The following PCDHGA2 variants were observed in gnomAD, a reference collection of about 807,000 sequenced individuals.
The protein encoded by PCDHGA2 is protocadherin gamma subfamily A, 2, also known as protocadherin gamma-A2.
Under a neutral mutation model 59.2 loss-of-function variants are expected in PCDHGA2, and 40 were observed. That is an observed-to-expected ratio of 0.68 (90% confidence interval 0.52 to 0.88). PCDHGA2 has a LOEUF of 0.88. Among genes scored for constraint, PCDHGA2 ranks in the 40% least tolerant of loss-of-function variants. PCDHGA2 has a pLI of 0.00. For synonymous variants in PCDHGA2, 560 were observed against 526.0 expected (o/e 1.06, Z -0.89); for missense variants, 1,226 against 1,204.0 (o/e 1.02, Z -0.27).
chr5:141,365,782 C>T (rs369080489), intron 1 of PCDHGA2: 274 of 1,613,792 alleles, frequency 1.7e-4, no homozygotes, highest in Non-Finnish European at 2.2e-4. Context: ...GCGGCGACAA[C>T]GCTCGAGTCA....
At chr5:141,365,867 G>A in intron 1 of PCDHGA2, 2 of 1,614,096 alleles carry the variant, frequency 1.2e-6, no homozygotes, top group Non-Finnish European at 1.7e-6. Flanking sequence ...TGACACCGGT[G>A]TCCTGTATGC....
In PCDHGA2 at chr5:141,432,613, G is replaced by A. The variant is rs1461837957; in HGVS notation, c.2425-62194G>A. 6.2e-7 allele frequency: 1 copy of A among 1,613,946 alleles called. No homozygotes were observed. The highest frequency in any genetic ancestry group is 1.3e-5 in the African/African-American group (1 of 75,056). On this transcript the variant is annotated intron_variant, in intron 1 of 3. Coordinates refer to ENST00000394576, the MANE Select transcript of PCDHGA2 (RefSeq NM_018915.4). The surrounding 1 kb of genome is among the most constrained non-coding windows in gnomAD (Gnocchi z 6.0). ...AGGCCAGCGAGCCGGGACTCTTCTC[G>A]GTGGGTCTGCACACGGGCGAGGTGC...
intron 1 of PCDHGA2, chr5:141,354,876 AC>A (rs763107420): frequency 8.7e-5 from 32 of 369,810 alleles, no homozygotes; most frequent in Non-Finnish European, 1.4e-4. Context: ...CAGGAATTTG[AC>A]TTTATTATCT....
At chr5:141,387,594 C>T in intron 1 of PCDHGA2, 1 of 528,418 alleles carries the variant, frequency 1.9e-6, no homozygotes, top group East Asian at 3.1e-5. Context: ...TAACTTGAAG[C>T]AGCAGAGGCT....
chr5:141,410,320 C>T (rs752279818), intron 1 of PCDHGA2: 54 of 1,613,880 alleles, frequency 3.3e-5, no homozygotes, highest in Non-Finnish European at 4.5e-5. Context: ...TCCTCCTCGC[C>T]GTGATTCTGG....
chr5:141,434,194 G>A (rs913533813), intron 1 of PCDHGA2, among the ~76,000 whole-genome samples: 7 of 152,190 alleles, frequency 4.6e-5, no homozygotes, highest in African/African-American at 4.8e-5. Flanking sequence ...TAATTCCAAT[G>A]TACTTACTTC....
intron 3 of PCDHGA2, among the ~76,000 whole-genome samples, chr5:141,509,065 T>A (rs1294546432): frequency 6.6e-6 from 1 of 152,018 alleles, no homozygotes; most frequent in Non-Finnish European, 1.5e-5. Context: ...AGCTCTCAGC[T>A]CCGGGGATTT....
At chr5:141,494,171 G>A (rs72790068) in intron 1 of PCDHGA2, among the ~76,000 whole-genome samples, 9,520 of 152,240 alleles carry the variant, frequency 0.063, 348 homozygotes, top group South Asian at 0.11. Flanking sequence ...TTCTAGGGGT[G>A]AGAAGTGTCC....
Position 141,414,386 on chromosome 5 carries a change from G to A in PCDHGA2, c.2424+72991G>A, listed in dbSNP as rs746637010. On this transcript the variant is annotated intron_variant, in intron 1 of 3. Transcript: ENST00000394576. ...TTTAAATTAGAAAAGTCCATTGACA[G>A]TTATTACAGATTGGTGATACACAGA... is the stretch of plus-strand genomic sequence containing the variant. The A allele has an allele frequency of 1.9e-6, 3 of 1,613,906 alleles. No homozygotes were observed. The Admixed American group carries it at 5.0e-5, about 27-fold the overall frequency.
rs62378448 is a variant in PCDHGA2, at chr5:141,400,064, G to C, written c.2424+58669G>C. On this transcript the variant is annotated intron_variant, in intron 1 of 3. Transcript: ENST00000394576. ...CTGCTGGTTGCTGTGCGTGATGGTG[G>C]ACAGCCGCCACTCTCCGCCACCGCC... The C allele has an allele frequency of 7.6e-4, 1,225 of 1,613,770 alleles. No homozygotes were observed. The highest frequency in any genetic ancestry group is 9.7e-4 in the Non-Finnish European group (1,150 of 1,179,858).
rs574920194 is a variant in PCDHGA2 at position 141,364,921 on chromosome 5, A to C, written c.2424+23526A>C. ...AAAAGTATCCGGAGCTGGTGTTGGA[A>C]CAGCCCCTAGACCGCGAGAAAGAGA... On this transcript the variant is annotated intron_variant, in intron 1 of 3. Coordinates refer to ENST00000394576, the MANE Select transcript of PCDHGA2 (RefSeq NM_018915.4). 2.2e-5 allele frequency: 36 copies of C among 1,613,954 alleles called. No individual in the cohort carries two copies. In the African/African-American group the frequency reaches 3.6e-4, roughly 16 times the overall value.
intron 1 of PCDHGA2, chr5:141,468,354 GA>G (rs910554966): frequency 7.0e-6 from 1 of 143,440 alleles, no homozygotes. Context: ...AAAAAAGAAA[GA>G]AAAAAGAAAT....
At chr5:141,346,844 T>G (rs1352354862) in intron 1 of PCDHGA2, among the ~76,000 whole-genome samples, 1 of 152,240 alleles carries the variant, frequency 6.6e-6, no homozygotes, top group Non-Finnish European at 1.5e-5. Flanking sequence ...CTTTTTCATT[T>G]TAAATCCCTG....
Position 141,421,312 on chromosome 5 carries a change from G to A in PCDHGA2, c.2425-73495G>A, listed in dbSNP as rs375071225. ...CCTGGGGACGCTGCGGGGGTTCCGGGCCAGGCAGATCCGATATTCGGTGCC... is the reference window on the plus strand; with the variant it reads ...CCTGGGGACGCTGCGGGGGTTCCGGACCAGGCAGATCCGATATTCGGTGCC... On this transcript the variant is annotated intron_variant, in intron 1 of 3. Coordinates refer to ENST00000394576, the MANE Select transcript of PCDHGA2 (RefSeq NM_018915.4). The A allele has an allele frequency of 1.9e-5, 31 of 1,613,630 alleles. No homozygotes were observed. The highest frequency in any genetic ancestry group is 1.4e-5 in the Non-Finnish European group (17 of 1,179,886).
At chr5:141,404,891 C>G in intron 1 of PCDHGA2, 1 of 1,613,898 alleles carries the variant, frequency 6.2e-7, no homozygotes, top group African/African-American at 1.3e-5. Context: ...GGTGGCTGTA[C>G]AGGACCATGG....
At chr5:141,466,123 A>G (rs961197575) in intron 1 of PCDHGA2, among the ~76,000 whole-genome samples, 1 of 151,364 alleles carries the variant, frequency 6.6e-6, no homozygotes, top group African/African-American at 2.4e-5. Flanking sequence ...CTCCAGCTCA[A>G]AAAAAAAATC....
rs539038497 is a variant in PCDHGA2 at position 141,420,464 on chromosome 5, C to T, written c.2425-74343C>T. 2.0e-4 allele frequency: 164 copies of T among 801,490 alleles called. 1 individual carries two copies. In the South Asian group the frequency reaches 6.4e-3, roughly 31 times the overall value. 49.6% of individuals were successfully genotyped at this position (801,490 alleles called of 1,614,324 possible). ...CCTCAGTCTTCCTACTATTCAAAGA[C>T]ATTTTAAAGCAAACTACATGGGTAA... On this transcript the variant is annotated intron_variant, in intron 1 of 3. Transcript: ENST00000394576.
At chr5:141,425,860 A>G (rs1445251215) in intron 1 of PCDHGA2, among the ~76,000 whole-genome samples, 1 of 152,248 alleles carries the variant, frequency 6.6e-6, no homozygotes, top group Non-Finnish European at 1.5e-5. Context: ...TGACTGTTCT[A>G]TAGATTCCCA....
intron 1 of PCDHGA2, chr5:141,414,597 C>G: frequency 6.2e-7 from 1 of 1,613,972 alleles, no homozygotes; most frequent in South Asian, 1.1e-5. Context: ...GGGGTGCCTC[C>G]ATCTTCTCAG....
Sources: gnomAD v4.1 joint callset for allele counts (sites outside exome capture counted in the v4.1 genomes callset) on GRCh38, gnomAD v4.1.1 for gene constraint, Gnocchi (gnomAD v3.1) non-coding constraint, MANE v1.5 for transcripts, NCBI Gene and HGNC (gene_info 2026-07-23, HGNC 2026-07-21) for gene names.